The following FGFR2 variants were observed in gnomAD, a reference collection of about 807,000 sequenced individuals.
FGFR2 encodes fibroblast growth factor receptor 2.
A neutral mutation model predicts 95.9 loss-of-function variants in FGFR2; 19 were observed. The ratio of observed to expected loss-of-function variants is 0.20; its 90% CI spans 0.14 to 0.29. The LOEUF is 0.29. Among genes scored for constraint, FGFR2 ranks in the 10% least tolerant of loss-of-function variants. The pLI, the probability that FGFR2 is intolerant of heterozygous loss-of-function variation, is 1.00. For synonymous variants in FGFR2, 392 were observed against 393.3 expected (o/e 1.00, Z 0.04); for missense variants, 707 against 1,056.9 (o/e 0.67, Z 4.59).
chr10:121,558,662 C>A (rs1856526038), intron 4 of FGFR2, among the ~76,000 whole-genome samples: 1 of 147,496 alleles, frequency 6.8e-6, no homozygotes, highest in Non-Finnish European at 1.5e-5. Context: ...GGCTGGGGTG[C>A]AGTGGCACAA....
chr10:121,582,751 C>A (rs1281231612), intron 2 of FGFR2, among the ~76,000 whole-genome samples: 1 of 152,020 alleles, frequency 6.6e-6, no homozygotes, highest in Non-Finnish European at 1.5e-5. Context: ...CCACTGCACT[C>A]CAGCCTGGGT....
Position 121,585,822 on chromosome 10 carries a change from GT to G in FGFR2, c.109+7886del, listed in dbSNP as rs137891367. ...TATAAATGTCCACGATATATATTCA[GT>G]TGTGCGTCTATTGCAGCCAGGTAGA... On this transcript the variant is annotated intron_variant, in intron 2 of 17. Coordinates refer to ENST00000358487, the MANE Select transcript of FGFR2 (RefSeq NM_000141.5). 9.8e-4 allele frequency among the ~76,000 whole-genome samples: 149 copies of G among 152,318 alleles called. 1 individual carries two copies. The highest frequency in any genetic ancestry group is 3.5e-3 in the African/African-American group (144 of 41,574).
At position 121,531,764 on chromosome 10, in the gene FGFR2, C is replaced by T. The variant is rs913837200; in HGVS notation, c.748+6828G>A. 3.3e-5 allele frequency among the ~76,000 whole-genome samples: 5 copies of T among 152,126 alleles called. No individual in the cohort carries two copies. Among genetic ancestry groups the T allele is most frequent in the African/African-American group, 7.2e-5 (3 of 41,430 alleles). ...AAACAGAACTTGACACCCCTCTCCACGTAATTTCCACCTGAACCTCCAGAG... is the reference window on the plus strand; with the variant it reads ...AAACAGAACTTGACACCCCTCTCCATGTAATTTCCACCTGAACCTCCAGAG... On this transcript the variant is annotated intron_variant, in intron 6 of 17. Transcript: ENST00000358487. The surrounding 1 kb of genome is among the most constrained non-coding windows in gnomAD (Gnocchi z 4.5).
At chr10:121,575,377 CATG>C (rs1217357038) in intron 2 of FGFR2, among the ~76,000 whole-genome samples, 5 of 152,110 alleles carry the variant, frequency 3.3e-5, no homozygotes, top group African/African-American at 4.8e-5. Flanking sequence ...TTCGGCTGTT[CATG>C]ACAGTGTTCT....
chr10:121,543,301 G>A (rs999905633), intron 5 of FGFR2, among the ~76,000 whole-genome samples: 18 of 152,196 alleles, frequency 1.2e-4, no homozygotes, highest in Admixed American at 7.2e-4. Context: ...TTTGAGGACA[G>A]GAGTTCGAGG....
At chr10:121,526,100 G>A (rs990150586) in intron 6 of FGFR2, 4 of 398,284 alleles carry the variant, frequency 1.0e-5, no homozygotes, top group African/African-American at 6.2e-5. Context: ...TTCATGTAAG[G>A]AGCGTGGATA....
intron 6 of FGFR2, among the ~76,000 whole-genome samples, chr10:121,534,003 G>A (rs1013550265): frequency 4.6e-5 from 7 of 151,558 alleles, no homozygotes; most frequent in African/African-American, 1.7e-4. Flanking sequence ...TCTCAGGATG[G>A]CCTTGATGAC....
At position 121,515,301 on chromosome 10, in the gene FGFR2, T is replaced by A. The variant is rs143645832; in HGVS notation, c.1103A>T (p.Glu368Val). The stretch of plus-strand genomic sequence containing the variant: ...CAGGTAGTCTGGGGAAGCTGTAATC[T>A]CCTTTTCTCTTCCAGGCGCTAGATT... ...TVLPAPGREK[E>V]ITASPDYLEI... Residue 368 changes from glutamate to valine, a missense_variant, in exon 9 of 18, where the codon GAG becomes GTG. By Grantham distance (121) the Glu-to-Val change is moderately radical (BLOSUM62 -2). Coordinates refer to ENST00000358487, the MANE Select transcript of FGFR2 (RefSeq NM_000141.5). 4.3e-6 allele frequency: 7 copies of A among 1,613,978 alleles called. No individual in the cohort carries two copies. The highest frequency in any genetic ancestry group is 5.9e-6 in the Non-Finnish European group (7 of 1,180,018).
At chr10:121,481,158 G>A (rs577297082) in intron 17 of FGFR2, among the ~76,000 whole-genome samples, 1 of 152,064 alleles carries the variant, frequency 6.6e-6, no homozygotes, top group Non-Finnish European at 1.5e-5. Context: ...AGCAGTTGCC[G>A]ACCCCTGTTC....
At chr10:121,498,417 T>C (rs1847161709) in intron 12 of FGFR2, 78 bp downstream of exon 12, 4 of 971,308 alleles carry the variant, frequency 4.1e-6, no homozygotes, top group Non-Finnish European at 6.7e-6. Context: ...GAGCAGGATC[T>C]GGAAGCCCAG....
chr10:121,551,513 GA>G (rs1361942302), intron 4 of FGFR2, 54 bp from the exon 5 acceptor site: 29 of 1,518,042 alleles, frequency 1.9e-5, no homozygotes, highest in African/African-American at 8.2e-5. Context: ...TCCCCTCCAT[GA>G]GTAAACTCCA....
intron 13 of FGFR2, among the ~76,000 whole-genome samples, chr10:121,493,188 C>T (rs1252367255): frequency 6.6e-6 from 1 of 152,200 alleles, no homozygotes; most frequent in Non-Finnish European, 1.5e-5. Flanking sequence ...ATGTCAAATG[C>T]TCTGCCACGG....
At chr10:121,572,288 T>C (rs529489659) in intron 2 of FGFR2, among the ~76,000 whole-genome samples, 1 of 152,096 alleles carries the variant, frequency 6.6e-6, no homozygotes, top group African/African-American at 2.4e-5. Flanking sequence ...ACTGCATTCC[T>C]GCCTGGGTGA....
chr10:121,538,224 G>A (rs1564949240), intron 6 of FGFR2: 1 of 637,292 alleles, frequency 1.6e-6, no homozygotes, highest in East Asian at 2.7e-5. Flanking sequence ...CCCTGTTGGG[G>A]AAATGATGCT....
In FGFR2 at chr10:121,485,355, A is replaced by G. The variant is rs757411770; in HGVS notation, c.2195+40T>C. Reference sequence around the variant, plus strand: ...CAGGAGAGGTATTACTGGTGTGGCAAGTCCACTGGGGCACCGGCAGGAAAG... The same window carrying G: ...CAGGAGAGGTATTACTGGTGTGGCAGGTCCACTGGGGCACCGGCAGGAAAG... On this transcript the variant is annotated intron_variant, in intron 16 of 17. Transcript: ENST00000358487. This position sits in a 1 kb window ranked among gnomAD's most constrained non-coding sequence, Gnocchi z 4.2. 30 of 1,613,662 alleles carry G rather than the reference A, an allele frequency of 1.9e-5. No homozygotes were observed. The highest frequency in any genetic ancestry group is 2.5e-5 in the Non-Finnish European group (29 of 1,179,892).
chr10:121,483,547 A>G (rs1845031230), intron 17 of FGFR2, 151 bp downstream of exon 17: 1 of 654,572 alleles, frequency 1.5e-6, no homozygotes, highest in South Asian at 1.8e-5. Context: ...ATTTGAGAGG[A>G]ACCCATAGTT....
At position 121,482,277 on chromosome 10, in the gene FGFR2, C is replaced by CT. The variant is rs928060613; in HGVS notation, c.2301+1420dup. ...TTTGGCAGAAGAAGAAAGTTGGTTT[C>CT]TTCCCCCCCTTGAACCGTTCCTTTC... On this transcript the variant is annotated intron_variant, in intron 17 of 17. Transcript: ENST00000358487. 18 of 1,079,684 alleles carry CT rather than the reference C, an allele frequency of 1.7e-5. No individual in the cohort carries two copies. In the African/African-American group the frequency reaches 2.5e-4, roughly 15 times the overall value. The allele number at this position is 1,079,684 out of a possible 1,614,324, so 66.9% of individuals were successfully genotyped here. A position where few individuals can be genotyped will look rare whatever the true frequency, so the allele number is the denominator to read the frequency against.
rs192680178 is a variant in FGFR2, at chr10:121,488,160, G to C, written c.1864-47C>G. On this transcript the variant is annotated intron_variant, in intron 13 of 17. Coordinates refer to ENST00000358487, the MANE Select transcript of FGFR2 (RefSeq NM_000141.5). ...GAGAAATAACTAATTTCAAAACACC[G>C]CCAGAACAAAAAGGAAATATGTTCA... 66 of 1,608,108 alleles carry C rather than the reference G, an allele frequency of 4.1e-5. No homozygotes were observed. In the Admixed American group the frequency reaches 8.0e-4, roughly 20 times the overall value.
In FGFR2 at chr10:121,518,111, A is replaced by G. The variant is rs1849943851; in HGVS notation, c.940-648T>C. ...AATAAACATTTGGATGTGAGTCATG[A>G]CAAACCTAAAAAGTCAACCTTTTGC... On this transcript the variant is annotated intron_variant, in intron 7 of 17. Coordinates refer to ENST00000358487, the MANE Select transcript of FGFR2 (RefSeq NM_000141.5). This position sits in a 1 kb window ranked among gnomAD's most constrained non-coding sequence, Gnocchi z 4.0. 2.2e-6 allele frequency: 1 copy of G among 454,906 alleles called. No homozygotes were observed. Among genetic ancestry groups the G allele is most frequent in the Non-Finnish European group, 4.2e-6 (1 of 235,558 alleles). The allele number at this position is 454,906 out of a possible 1,614,324, so 28.2% of individuals were successfully genotyped here. A position where few individuals can be genotyped will look rare whatever the true frequency, so the allele number is the denominator to read the frequency against.
Sources: allele counts gnomAD v4.1 joint callset (sites outside exome capture counted in the v4.1 genomes callset), GRCh38; gene constraint gnomAD v4.1.1; non-coding constraint Gnocchi (gnomAD v3.1); transcripts MANE v1.5; gene names NCBI Gene and HGNC (gene_info 2026-07-23, HGNC 2026-07-21).